The following ARID2 variants were observed in gnomAD, a reference collection of about 807,000 sequenced individuals.
The protein encoded by ARID2 is AT-rich interactive domain-containing protein 2.
Under a neutral mutation model 184.6 loss-of-function variants are expected in ARID2, and 32 were observed. That is an observed-to-expected ratio of 0.17 (90% CI 0.13 to 0.23). The LOEUF is 0.23. Among genes scored for constraint, ARID2 ranks in the 10% least tolerant of loss-of-function variants. The probability of loss-of-function intolerance (pLI) is 1.00; values close to 1 mark genes in which losing one functional copy is unlikely to be tolerated. For synonymous variants in ARID2, 836 were observed against 772.6 expected (o/e 1.08, Z -1.36); for missense variants, 1,696 against 2,197.6 (o/e 0.77, Z 4.56).
At chr12:45,730,532 A>G (rs1412793792) in intron 2 of ARID2, among the ~76,000 whole-genome samples, 2 of 151,926 alleles carry the variant, frequency 1.3e-5, no homozygotes, top group Admixed American at 1.3e-4. Context: ...GCTCTAGCAC[A>G]GGCGGAGACA....
At chr12:45,837,862 T>C (rs1325069790) in intron 10 of ARID2, among the ~76,000 whole-genome samples, 155 bp downstream of exon 10, 1 of 152,242 alleles carries the variant, frequency 6.6e-6, no homozygotes, top group Non-Finnish European at 1.5e-5. Context: ...TTCTTTATTA[T>C]GCTTTAAATT....
intron 10 of ARID2, among the ~76,000 whole-genome samples, chr12:45,839,117 G>A (rs926074470): frequency 1.3e-5 from 2 of 151,358 alleles, no homozygotes; most frequent in Admixed American, 6.6e-5. Context: ...GCCCGCCTCC[G>A]CCTCCCAAAG....
At chr12:45,846,731 A>G in intron 11 of ARID2, 125 bp from the exon 12 acceptor site, 1 of 735,732 alleles carries the variant, frequency 1.4e-6, no homozygotes. Flanking sequence ...GTATACTTTC[A>G]TATGTTTATA....
At chr12:45,805,548 G>A (rs944124729) in intron 3 of ARID2, among the ~76,000 whole-genome samples, 2 of 151,948 alleles carry the variant, frequency 1.3e-5, no homozygotes, top group Admixed American at 6.6e-5. Flanking sequence ...TAATATCTGA[G>A]TTTACTTTCT....
intron 12 of ARID2, among the ~76,000 whole-genome samples, 183 bp downstream of exon 12, chr12:45,847,120 G>T (rs1943457643): frequency 6.6e-6 from 1 of 152,078 alleles, no homozygotes; most frequent in Admixed American, 6.6e-5. Flanking sequence ...TAATTTGAAA[G>T]AAAAATATTC....
intron 11 of ARID2, chr12:45,841,361 A>C (rs1193672313): frequency 6.6e-6 from 1 of 152,194 alleles, no homozygotes; most frequent in African/African-American, 2.4e-5. Flanking sequence ...TGTAGTAATT[A>C]ATTCATTCAT....
intron 16 of ARID2, among the ~76,000 whole-genome samples, chr12:45,884,623 A>G (rs961150788): frequency 2.0e-5 from 3 of 152,182 alleles, no homozygotes; most frequent in African/African-American, 7.2e-5. Context: ...ATAGCACTTG[A>G]TGTGGGAAGG....
At chr12:45,790,399 A>T (rs1273029540) in intron 3 of ARID2, among the ~76,000 whole-genome samples, 1 of 152,076 alleles carries the variant, frequency 6.6e-6, no homozygotes, top group Admixed American at 6.6e-5. Context: ...TGGAATTTGG[A>T]TTTGAACTAA....
intron 3 of ARID2, among the ~76,000 whole-genome samples, chr12:45,747,243 T>C (rs1941377531): frequency 6.6e-6 from 1 of 152,254 alleles, no homozygotes; most frequent in South Asian, 2.1e-4. Context: ...AAAAATTCTT[T>C]AATGTATCTT....
intron 16 of ARID2, among the ~76,000 whole-genome samples, chr12:45,885,049 T>C (rs889227997): frequency 2.0e-5 from 3 of 151,972 alleles, no homozygotes; most frequent in African/African-American, 7.3e-5. Flanking sequence ...AATTAATTTC[T>C]CTTTAATAGT....
At chr12:45,839,236 A>G (rs923294488) in intron 10 of ARID2, 93 bp from the exon 11 acceptor site, 13 of 1,158,328 alleles carry the variant, frequency 1.1e-5, no homozygotes, top group African/African-American at 4.7e-5. Flanking sequence ...ATTTATTCAC[A>G]TTGATAAGTA....
intron 3 of ARID2, among the ~76,000 whole-genome samples, chr12:45,800,162 G>A (rs557872291): frequency 4.6e-5 from 7 of 152,048 alleles, no homozygotes; most frequent in East Asian, 3.9e-4. Flanking sequence ...TTTAATTTTC[G>A]TACTGAAAAT....
At chr12:45,806,692 G>T (rs1565603389) in intron 3 of ARID2, among the ~76,000 whole-genome samples, 1 of 152,110 alleles carries the variant, frequency 6.6e-6, no homozygotes, top group Non-Finnish European at 1.5e-5. Context: ...TCCTGGAAGA[G>T]AAACTTTATT....
intron 3 of ARID2, among the ~76,000 whole-genome samples, chr12:45,754,488 T>C (rs1000519749): frequency 6.6e-6 from 1 of 152,274 alleles, no homozygotes; most frequent in Non-Finnish European, 1.5e-5. Context: ...TCTCCAAGCA[T>C]GCCAAGTTTT....
At chr12:45,760,404 G>A (rs1941652245) in intron 3 of ARID2, among the ~76,000 whole-genome samples, 1 of 151,946 alleles carries the variant, frequency 6.6e-6, no homozygotes, top group Non-Finnish European at 1.5e-5. Context: ...AATTTTTTTT[G>A]TCATTTTCTG....
intron 16 of ARID2, 86 bp downstream of exon 16, chr12:45,861,035 T>C: frequency 7.8e-7 from 1 of 1,282,660 alleles, no homozygotes; most frequent in Non-Finnish European, 1.0e-6. Context: ...TATAGTTGCA[T>C]GAAAATTTTC....
intron 15 of ARID2, 64 bp downstream of exon 15, chr12:45,852,960 G>T: frequency 6.9e-7 from 1 of 1,455,124 alleles, no homozygotes; most frequent in Non-Finnish European, 9.0e-7. Flanking sequence ...AATTTTAGAG[G>T]GAAATGCACT....
chr12:45,841,844 T>C (rs1368257116), intron 11 of ARID2: 4 of 152,234 alleles, frequency 2.6e-5, no homozygotes, highest in African/African-American at 7.2e-5. Flanking sequence ...TATCCTAATA[T>C]AATACATTTT....
chr12:45,869,807 G>T (rs955879957), intron 16 of ARID2, among the ~76,000 whole-genome samples: 2 of 151,756 alleles, frequency 1.3e-5, no homozygotes, highest in African/African-American at 4.8e-5. Context: ...TGCTTGAACC[G>T]GGGAGGTGGA....
Sources: allele counts gnomAD v4.1 joint callset (sites outside exome capture counted in the v4.1 genomes callset), GRCh38; gene constraint gnomAD v4.1.1; transcripts MANE v1.5; gene names NCBI Gene and HGNC (gene_info 2026-07-23, HGNC 2026-07-21).